Variants in SHKBP1 observed in about 807,000 individuals in gnomAD.
SHKBP1 encodes SH3KBP1 binding protein 1.
A neutral mutation model predicts 83.9 loss-of-function variants in SHKBP1; 71 were observed. The ratio of observed to expected loss-of-function variants is 0.85; its 90% CI spans 0.70 to 1.03. SHKBP1 has a LOEUF of 1.03. Among genes scored for constraint, SHKBP1 ranks in the 50% least tolerant of loss-of-function variants. The pLI is 0.00. For missense variants in SHKBP1, 824 were observed against 982.4 expected, an observed-to-expected ratio of 0.84 and a Z score of 2.16; for synonymous variants, 371 against 398.0, an observed-to-expected ratio of 0.93 and a Z score of 0.81.
chr19:40,578,173 C>G lies in SHKBP1; in HGVS notation c.280C>G (p.Leu94Val). The change falls in exon 5 of 18, where the codon CTC becomes GTC. Residue 94 changes from leucine (L) to valine (V), a missense_variant. Physicochemically the swap from Leu to Val is conservative, Grantham distance 32 (BLOSUM62 1). Coordinates refer to ENST00000291842, the MANE Select transcript of SHKBP1 (RefSeq NM_138392.4). ...LDPRGVHGSS[L>V]LHEAQFYGLT... ...ACCCAGGGGTGTCCACGGTTCCAGC[C>G]TCCTCCATGAAGCCCAGTTCTATGG... The G allele has an allele frequency of 6.2e-7, 1 of 1,614,176 alleles. No individual in the cohort carries two copies. Among genetic ancestry groups the G allele is most frequent in the South Asian group, 1.1e-5 (1 of 91,084 alleles).
chr19:40,588,941 C>G (rs996718648), intron 14 of SHKBP1, 141 bp from the exon 15 acceptor site: 49 of 1,261,188 alleles, frequency 3.9e-5, no homozygotes, highest in Non-Finnish European at 5.0e-5. Flanking sequence ...CACAACCCCC[C>G]AGCCCTCTCT....
chr19:40,583,433 G>C lies in SHKBP1; in HGVS notation c.996G>C (p.Ala332=). ...QEVQPITSYD[A]AGSFLLLGCN... The stretch of plus-strand genomic sequence containing the variant: ...TGCAGCCCATCACCAGTTATGACGC[G>C]GCAGGCTCCTTCCTCCTCCTGGGCT... The change falls in exon 11 of 18, where the codon GCG becomes GCC. Residue 332 remains alanine (A), a synonymous_variant. Transcript: ENST00000291842. 1 of 1,603,478 alleles carries C rather than the reference G, an allele frequency of 6.2e-7. No individual in the cohort carries two copies. Among genetic ancestry groups the C allele is most frequent in the Non-Finnish European group, 8.5e-7 (1 of 1,175,250 alleles).
chr19:40,579,138 G>A (rs1048429706), intron 6 of SHKBP1, among the ~76,000 whole-genome samples: 2 of 150,598 alleles, frequency 1.3e-5, no homozygotes, highest in African/African-American at 4.9e-5. Context: ...TATGAGACAG[G>A]GTCTGGCTTT....
Position 40,586,963 on chromosome 19 carries a change from C to T in SHKBP1, c.1336+19C>T. ...ATCTCAGGTGAGCCTCTGTGGGGTG[C>T]TCCAGTGCTGGGAGAGACAGCTCAG... On this transcript the variant is annotated intron_variant, in intron 13 of 17. Transcript: ENST00000291842. 6.3e-7 allele frequency: 1 copy of T among 1,575,648 alleles called. No homozygotes were observed. Among genetic ancestry groups the T allele is most frequent in the Non-Finnish European group, 8.7e-7 (1 of 1,153,952 alleles).
rs1568386389 is a variant in SHKBP1, at chr19:40,576,892, C to CG, written c.-3dup. On this transcript the variant is annotated 5_prime_UTR_variant, in exon 1 of 18. Coordinates refer to ENST00000291842, the MANE Select transcript of SHKBP1 (RefSeq NM_138392.4). ...GTGGGTGCGGGCCAGCCGGCTCGCC[C>CG]GGGGGCCATGGCAGCAGCGGCTACT... 2.8e-6 allele frequency: 4 copies of CG among 1,452,630 alleles called. No individual in the cohort carries two copies. The highest frequency in any genetic ancestry group is 1.8e-6 in the Non-Finnish European group (2 of 1,102,296). 90.0% of individuals were successfully genotyped at this position (1,452,630 alleles called of 1,614,324 possible).
chr19:40,590,899 G>T lies in SHKBP1; in HGVS notation c.1892+46G>T, dbSNP rs767887703. ...CCTTCTGTGCAATGAGGGGAGAGGG[G>T]ACAGCATGGTGTTCCCGGGGACAGA... On this transcript the variant is annotated intron_variant, in intron 17 of 17. Coordinates refer to ENST00000291842, the MANE Select transcript of SHKBP1 (RefSeq NM_138392.4). The surrounding 1 kb of genome is among the most constrained non-coding windows in gnomAD (Gnocchi z 4.6). 5.1e-6 allele frequency: 8 copies of T among 1,569,798 alleles called. No individual in the cohort carries two copies. The South Asian group carries it at 9.3e-5, about 18-fold the overall frequency.
chr19:40,585,100 G>C (rs2081300566), intron 12 of SHKBP1, among the ~76,000 whole-genome samples: 1 of 151,430 alleles, frequency 6.6e-6, no homozygotes. Context: ...GTGAAGCAGG[G>C]ATTATTCTTT....
rs146947781 is a variant in SHKBP1, at chr19:40,589,102, G to A, written c.1513G>A (p.Asp505Asn). 381 of 1,613,048 alleles carry A rather than the reference G, an allele frequency of 2.4e-4. 1 individual carries two copies. The highest frequency in any genetic ancestry group is 2.9e-4 in the Non-Finnish European group (345 of 1,180,008). The change falls in exon 15 of 18, where the codon GAC becomes AAC. Residue 505 changes from aspartate (D) to asparagine (N), a missense_variant. This residue lies in a region of SHKBP1 where 287 missense variants were observed against 322.9 expected (regional missense o/e 0.89). Transcript: ENST00000291842. ...NDIGPYGERD[D>N]QQVFIQKVVP... ...CCCAGGCCCCTACGGTGAGCGGGAC[G>A]ACCAGCAAGTGTTCATCCAGAAGGT...
chr19:40,584,311 A>G (rs570832653), intron 12 of SHKBP1, among the ~76,000 whole-genome samples: 36 of 152,222 alleles, frequency 2.4e-4, no homozygotes, highest in Non-Finnish European at 4.8e-4. Context: ...TGATGTTCAC[A>G]TGTTCATAAA....
At chr19:40,577,060 G>C in intron 1 of SHKBP1, 75 bp downstream of exon 1, 1 of 1,300,180 alleles carries the variant, frequency 7.7e-7, no homozygotes, top group East Asian at 2.6e-5. Context: ...TCTCCTGGGG[G>C]AATCCCTGTC....
Position 40,577,573 on chromosome 19 carries a change from A to G in SHKBP1, c.203A>G (p.Asp68Gly). The G allele has an allele frequency of 6.2e-7, 1 of 1,613,794 alleles. No individual in the cohort carries two copies. Among genetic ancestry groups the G allele is most frequent in the Non-Finnish European group, 8.5e-7 (1 of 1,179,924 alleles). The change falls in exon 4 of 18, where the codon GAC becomes GGC. Residue 68 changes from aspartate (D) to glycine (G), a missense_variant. Asp to Gly is a moderately conservative substitution (Grantham distance 94). Transcript: ENST00000291842. ...TTCCCGCAGATCTTCATCGACAGGG[A>G]CCCTACAGTCTTCGCCCCCATCCTC... ...DETGAIFIDRDPTVFAPILNF... is the reference protein window; with the variant it reads ...DETGAIFIDRGPTVFAPILNF...
At position 40,580,811 on chromosome 19, in the gene SHKBP1, G is replaced by A. The variant is rs146931471; in HGVS notation, c.719G>A (p.Arg240Gln). The change falls in exon 9 of 18, where the codon CGA (arginine) becomes CAA (glutamine). Residue 240 changes from arginine (R) to glutamine (Q), a missense_variant. Arg to Gln is a conservative substitution (Grantham distance 43, BLOSUM62 1). Coordinates refer to ENST00000291842, the MANE Select transcript of SHKBP1 (RefSeq NM_138392.4). The part of the protein sequence containing the change: ...SSPRLDWPIE[R>Q]LALTARVHGG... ...CCCCGCCTGGACTGGCCCATCGAACGACTGGCGCTCACAGCCCGGGTGCAT... is the reference window on the plus strand; with the variant it reads ...CCCCGCCTGGACTGGCCCATCGAACAACTGGCGCTCACAGCCCGGGTGCAT... 1.7e-4 allele frequency: 271 copies of A among 1,613,090 alleles called. No homozygotes were observed. Among genetic ancestry groups the A allele is most frequent in the Non-Finnish European group, 2.1e-4 (252 of 1,179,590 alleles).
intron 12 of SHKBP1, 108 bp downstream of exon 12, chr19:40,583,825 G>A (rs2145986676): frequency 2.5e-6 from 2 of 809,728 alleles, no homozygotes; most frequent in African/African-American, 1.7e-5. Flanking sequence ...TTATCGAGGG[G>A]CGGCAGATTC....
chr19:40,580,031 C>CAAA (rs35620022), intron 6 of SHKBP1: 314 of 63,810 alleles, frequency 4.9e-3, no homozygotes, highest in South Asian at 9.4e-3. Flanking sequence ...AACTCCAACT[C>CAAA]AAAAAAAAAA....
chr19:40,589,138 G>A lies in SHKBP1; in HGVS notation c.1549G>A (p.Ala517Thr), dbSNP rs1241536382. ...QVFIQKVVPS[A>T]SQLFVRLSST... ...GTTCATCCAGAAGGTGGTGCCCAGTGCCAGCCAGCTCTTCGTGCGTCTCTC... is the reference window on the plus strand; with the variant it reads ...GTTCATCCAGAAGGTGGTGCCCAGTACCAGCCAGCTCTTCGTGCGTCTCTC... Residue 517 changes from alanine to threonine, a missense_variant, in exon 15 of 18, where the codon GCC (alanine) becomes ACC (threonine). By Grantham distance (58) the Ala-to-Thr change is moderately conservative (BLOSUM62 0). This residue lies in a region of SHKBP1 where 287 missense variants were observed against 322.9 expected (regional missense o/e 0.89). Coordinates refer to ENST00000291842, the MANE Select transcript of SHKBP1 (RefSeq NM_138392.4). 6.2e-7 allele frequency: 1 copy of A among 1,613,294 alleles called. No individual in the cohort carries two copies. Among genetic ancestry groups the A allele is most frequent in the East Asian group, 2.2e-5 (1 of 44,842 alleles).
rs2081350277 is a variant in SHKBP1, at chr19:40,590,571, C to T, written c.1768+149C>T. 1 of 1,278,636 alleles carries T rather than the reference C, an allele frequency of 7.8e-7. No individual in the cohort carries two copies. Among genetic ancestry groups the T allele is most frequent in the South Asian group, 1.4e-5 (1 of 71,312 alleles). The allele number at this position is 1,278,636 out of a possible 1,614,324, so 79.2% of individuals were successfully genotyped here. On this transcript the variant is annotated intron_variant, in intron 16 of 17. Coordinates refer to ENST00000291842, the MANE Select transcript of SHKBP1 (RefSeq NM_138392.4). This position sits in a 1 kb window ranked among gnomAD's most constrained non-coding sequence, Gnocchi z 4.6. ...CCTCTCTGCTCCCCATCCCTTCCTG[C>T]CCTTGTTTTTCAACCCCTGTCTCAG... is the stretch of plus-strand genomic sequence containing the variant.
intron 4 of SHKBP1, 112 bp downstream of exon 4, chr19:40,577,742 A>C: frequency 7.3e-7 from 1 of 1,365,280 alleles, no homozygotes; most frequent in Non-Finnish European, 1.0e-6. Context: ...TCTCATTCAG[A>C]ACCTTGATCA....
In SHKBP1 at chr19:40,591,089, A is replaced by G. The variant is rs141022582; in HGVS notation, c.2006A>G (p.Glu669Gly). The change falls in exon 18 of 18, where the codon GAA becomes GGA. Residue 669 changes from glutamate (E) to glycine (G), a missense_variant. Glu to Gly is a moderately conservative substitution (Grantham distance 98). This residue lies in a region of SHKBP1 where 287 missense variants were observed against 322.9 expected (regional missense o/e 0.89). Coordinates refer to ENST00000291842, the MANE Select transcript of SHKBP1 (RefSeq NM_138392.4). Reference sequence around the variant, plus strand: ...GGCAGCTTTGTGGAACGCTGCCAGGAACTGGTGCGGAGTGGGCCAGACCTC... The same window carrying G: ...GGCAGCTTTGTGGAACGCTGCCAGGGACTGGTGCGGAGTGGGCCAGACCTC... ...GGGSFVERCQ[E>G]LVRSGPDLRR... 6.2e-7 allele frequency: 1 copy of G among 1,612,868 alleles called. No homozygotes were observed.
Position 40,578,522 on chromosome 19 carries a change from A to T in SHKBP1, c.380A>T (p.Asn127Ile), listed in dbSNP as rs114588324. ...TCTTCTTGTGGAAACGTCCTCTTCA[A>T]TGGTTACCTGCCGCCACCAGGTAGG... ...DRSSCGNVLF[N>I]GYLPPPVFPV... Residue 127 changes from asparagine to isoleucine, a missense_variant, in exon 6 of 18, where the codon AAT becomes ATT. By Grantham distance (149) the Asn-to-Ile change is moderately radical. Coordinates refer to ENST00000291842, the MANE Select transcript of SHKBP1 (RefSeq NM_138392.4). The T allele has an allele frequency of 6.2e-7, 1 of 1,614,018 alleles. No individual in the cohort carries two copies. Among genetic ancestry groups the T allele is most frequent in the Non-Finnish European group, 8.5e-7 (1 of 1,180,008 alleles).
Sources: allele counts gnomAD v4.1 joint callset (sites outside exome capture counted in the v4.1 genomes callset), GRCh38; gene constraint gnomAD v4.1.1; regional missense constraint gnomAD v4.1.1; non-coding constraint Gnocchi (gnomAD v3.1); transcripts MANE v1.5; gene names NCBI Gene and HGNC (gene_info 2026-07-23, HGNC 2026-07-21).